WDFY3: variants seen among roughly 807,000 people sequenced by gnomAD.
WDFY3 encodes WD repeat and FYVE domain containing 3, also known as WD repeat and FYVE domain-containing protein 3.
A neutral mutation model predicts 409.6 loss-of-function variants in WDFY3; 66 were observed. The ratio of observed to expected loss-of-function variants is 0.16; its 90% confidence interval spans 0.13 to 0.20. WDFY3 has a LOEUF of 0.20. WDFY3 is among the 10% of genes least tolerant of loss of function. The pLI is 1.00. For missense variants in WDFY3, 3,031 were observed against 4,298.1 expected (o/e 0.71, Z 8.24); for synonymous variants, 1,521 against 1,537.1 (o/e 0.99, Z 0.25).
chr4:84,951,891 A>C (rs1472653596), intron 1 of WDFY3, among the ~76,000 whole-genome samples: 1 of 152,216 alleles, frequency 6.6e-6, no homozygotes, highest in Non-Finnish European at 1.5e-5. Flanking sequence ...AACATCTATC[A>C]ACATTGGCAA....
At chr4:84,789,220 A>G (rs1748058462) in intron 22 of WDFY3, among the ~76,000 whole-genome samples, 1 of 152,112 alleles carries the variant, frequency 6.6e-6, no homozygotes, top group African/African-American at 2.4e-5. Context: ...TACTATCACA[A>G]TCTACAGTAA....
Position 84,803,336 on chromosome 4 carries a change from G to A in WDFY3, c.2561C>T (p.Ala854Val). The change falls in exon 16 of 68, where the codon GCC becomes GTC. Residue 854 changes from alanine (A) to valine (V), a missense_variant. Transcript: ENST00000295888. ...AACAGAGGCCAGTAGGTCCAGCATG[G>A]CAAGCATGGCTCCAGGATGAATGAT... ...AVIIHPGAML[A>V]MLDLLASVGS... The A allele has an allele frequency of 6.2e-7, 1 of 1,613,902 alleles. No individual in the cohort carries two copies. Among genetic ancestry groups the A allele is most frequent in the South Asian group, 1.1e-5 (1 of 91,028 alleles).
chr4:84,893,562 A>G (rs1042678875), intron 3 of WDFY3, among the ~76,000 whole-genome samples: 10 of 152,236 alleles, frequency 6.6e-5, no homozygotes, highest in African/African-American at 1.9e-4. Context: ...TACTGATGAT[A>G]AATTTAGAGT....
chr4:84,785,398 T>C (rs970385434), intron 24 of WDFY3, among the ~76,000 whole-genome samples: 1 of 152,134 alleles, frequency 6.6e-6, no homozygotes, highest in Admixed American at 6.6e-5. Flanking sequence ...CTCATCCCTG[T>C]CAAGTCTTTG....
chr4:84,870,069 A>G (rs942375805), intron 3 of WDFY3, among the ~76,000 whole-genome samples: 14 of 152,216 alleles, frequency 9.2e-5, no homozygotes, highest in Admixed American at 2.6e-4. Context: ...GCATTATGTT[A>G]TTATAATCAT....
At position 84,774,693 on chromosome 4, in the gene WDFY3, T is replaced by C. The variant is rs1745248930; in HGVS notation, c.4754+127A>G. On this transcript the variant is annotated intron_variant, in intron 29 of 67. Coordinates refer to ENST00000295888, the MANE Select transcript of WDFY3 (RefSeq NM_014991.6). ...ATGTTTTCCATGCGTCATAAATATT[T>C]TGAATCGTATTAACATTACAGGTGT... 8.1e-6 allele frequency: 8 copies of C among 990,064 alleles called. No individual in the cohort carries two copies. In the South Asian group the frequency reaches 8.3e-5, roughly 10 times the overall value. The allele number at this position is 990,064 out of a possible 1,614,324, so 61.3% of individuals were successfully genotyped here.
chr4:84,804,829 T>C (rs910005070), intron 15 of WDFY3, among the ~76,000 whole-genome samples: 2 of 152,226 alleles, frequency 1.3e-5, no homozygotes, highest in Non-Finnish European at 2.9e-5. Context: ...ATTTTAGTTA[T>C]AGGCCTTCCA....
chr4:84,850,225 G>T (rs1043002102), intron 4 of WDFY3, among the ~76,000 whole-genome samples, 200 bp from the exon 5 acceptor site: 1 of 152,066 alleles, frequency 6.6e-6, no homozygotes, highest in African/African-American at 2.4e-5. Flanking sequence ...ATATAAATTT[G>T]TTGAAGAAAT....
intron 19 of WDFY3, 91 bp from the exon 20 acceptor site, chr4:84,795,070 T>A: frequency 1.2e-6 from 1 of 863,830 alleles, no homozygotes; most frequent in Non-Finnish European, 1.6e-6. Context: ...CTGCCAGTAT[T>A]TAATGGTGAC....
At position 84,789,632 on chromosome 4, in the gene WDFY3, A is replaced by AAC. The variant is rs370993126; in HGVS notation, c.3669+92_3669+93dup. 3.6e-4 allele frequency: 366 copies of AAC among 1,014,686 alleles called. No individual in the cohort carries two copies. In the Admixed American group the frequency reaches 4.4e-3, roughly 12 times the overall value. 62.9% of individuals were successfully genotyped at this position (1,014,686 alleles called of 1,614,324 possible). ...AAAGTAATTTTAAAAATATCCCTGTAACACACACACACACACACACACACA... is the reference window on the plus strand; with the variant it reads ...AAAGTAATTTTAAAAATATCCCTGTAACACACACACACACACACACACACACA... On this transcript the variant is annotated intron_variant, in intron 22 of 67. Coordinates refer to ENST00000295888, the MANE Select transcript of WDFY3 (RefSeq NM_014991.6).
rs1299251629 is a variant in WDFY3 at position 84,763,523 on chromosome 4, T to C, written c.5188+2287A>G. On this transcript the variant is annotated intron_variant, in intron 32 of 67. Coordinates refer to ENST00000295888, the MANE Select transcript of WDFY3 (RefSeq NM_014991.6). ...ATAATAAACCTGAATGTTCTGCACA[T>C]GTATCCCAGAAATTAAAGTAAAATT... Among the ~76,000 whole-genome samples, 4 of 151,968 alleles carry C rather than the reference T, an allele frequency of 2.6e-5. No homozygotes were observed. The South Asian group carries it at 6.2e-4, about 24-fold the overall frequency.
In WDFY3 at chr4:84,849,954, G is replaced by A. The variant is rs1422564508; in HGVS notation, c.252C>T (p.Val84=). 1.9e-6 allele frequency: 3 copies of A among 1,611,212 alleles called. No homozygotes were observed. The highest frequency in any genetic ancestry group is 2.2e-5 in the East Asian group (1 of 44,690). Reference sequence around the variant, plus strand: ...GAATTTCTGTCACCATTAGTCGTGAGACTTGTGTTGTGAACTGCAGAAGAT... The same window carrying A: ...GAATTTCTGTCACCATTAGTCGTGAAACTTGTGTTGTGAACTGCAGAAGAT... ...FSDLLQFTTQ[V]SRLMVTEIRR... is the part of the protein sequence containing the mutation. Residue 84 remains valine (V), a synonymous_variant, in exon 5 of 68, where the codon GTC becomes GTT. Transcript: ENST00000295888.
chr4:84,903,704 T>TA (rs1455075700), intron 2 of WDFY3, among the ~76,000 whole-genome samples: 4 of 152,148 alleles, frequency 2.6e-5, no homozygotes, highest in African/African-American at 9.7e-5. Context: ...TTTCATCATT[T>TA]AAAAAATTAA....
chr4:84,744,615 A>C (rs551337144), intron 36 of WDFY3, among the ~76,000 whole-genome samples: 76 of 152,088 alleles, frequency 5.0e-4, no homozygotes, highest in African/African-American at 1.8e-3. Flanking sequence ...GCACTTTGGG[A>C]GGCCGAGGCG....
intron 1 of WDFY3, among the ~76,000 whole-genome samples, chr4:84,944,073 C>T (rs1772484660): frequency 6.6e-6 from 1 of 152,184 alleles, no homozygotes; most frequent in Non-Finnish European, 1.5e-5. Context: ...GAAAAACTAA[C>T]TCGTGTAATG....
At chr4:84,900,846 A>C (rs1469427977) in intron 2 of WDFY3, among the ~76,000 whole-genome samples, 1 of 152,264 alleles carries the variant, frequency 6.6e-6, no homozygotes, top group Admixed American at 6.5e-5. Flanking sequence ...AATCTAAAAA[A>C]CAAAAACTTT....
chr4:84,773,203 C>G (rs1461876478), intron 29 of WDFY3, among the ~76,000 whole-genome samples: 2 of 152,090 alleles, frequency 1.3e-5, no homozygotes, highest in African/African-American at 4.8e-5. Flanking sequence ...TACTTCTTAT[C>G]TTAACTAGCC....
intron 56 of WDFY3, among the ~76,000 whole-genome samples, chr4:84,698,667 GA>G (rs1298717258): frequency 1.3e-5 from 2 of 150,252 alleles, no homozygotes; most frequent in Non-Finnish European, 1.5e-5. Context: ...ATAGCAAGGG[GA>G]AAAAAAAATC....
intron 27 of WDFY3, among the ~76,000 whole-genome samples, chr4:84,778,147 A>C (rs750447179): frequency 1.3e-5 from 2 of 152,162 alleles, no homozygotes; most frequent in Non-Finnish European, 2.9e-5. Context: ...ATATTTTACC[A>C]TGCAGCTGTA....
Sources: allele counts gnomAD v4.1 joint callset (sites outside exome capture counted in the v4.1 genomes callset), GRCh38; gene constraint gnomAD v4.1.1; transcripts MANE v1.5; gene names NCBI Gene and HGNC (gene_info 2026-07-23, HGNC 2026-07-21).